Variants in CNTN5 observed in about 807,000 individuals in gnomAD.
CNTN5 encodes contactin-5.
In CNTN5, 77 loss-of-function variants were observed where a neutral mutation model predicts 129.1. That is an observed-to-expected ratio of 0.60 (90% CI 0.50 to 0.72). The LOEUF (loss-of-function observed/expected upper bound fraction) is 0.72. CNTN5 is among the 30% of genes least tolerant of loss of function. The pLI, the probability that CNTN5 is intolerant of heterozygous loss-of-function variation, is 0.00. For synonymous variants in CNTN5, 509 were observed against 465.6 expected (o/e 1.09, Z -1.20); for missense variants, 1,478 against 1,328.8 (o/e 1.11, Z -1.75).
chr11:99,076,363 G>T (rs1172673387), intron 1 of CNTN5, among the ~76,000 whole-genome samples: 2 of 151,796 alleles, frequency 1.3e-5, no homozygotes, highest in African/African-American at 4.8e-5. Context: ...CCAAAAAAAA[G>T]TACTTTACTT....
intron 1 of CNTN5, among the ~76,000 whole-genome samples, chr11:99,227,684 G>A (rs912119794): frequency 2.0e-5 from 3 of 152,110 alleles, no homozygotes; most frequent in Non-Finnish European, 4.4e-5. Flanking sequence ...AATATAAAAT[G>A]TATCGTTTGA....
intron 1 of CNTN5, among the ~76,000 whole-genome samples, chr11:99,192,665 G>T (rs868173640): frequency 6.6e-6 from 1 of 151,904 alleles, no homozygotes; most frequent in Non-Finnish European, 1.5e-5. Flanking sequence ...TACTGAACAT[G>T]CTACAAACAA....
At chr11:99,431,296 G>C (rs1943359228) in intron 2 of CNTN5, among the ~76,000 whole-genome samples, 3 of 151,846 alleles carry the variant, frequency 2.0e-5, no homozygotes, top group African/African-American at 7.3e-5. Context: ...ATAGAAACGG[G>C]GCCCAGACTG....
At chr11:100,307,733 A>C (rs1951385325) in intron 20 of CNTN5, among the ~76,000 whole-genome samples, 1 of 151,658 alleles carries the variant, frequency 6.6e-6, no homozygotes, top group African/African-American at 2.4e-5. Flanking sequence ...TATCTAATGA[A>C]ATTTAGATAC....
chr11:99,943,314 G>A (rs1179850627), intron 7 of CNTN5, among the ~76,000 whole-genome samples: 2 of 151,936 alleles, frequency 1.3e-5, no homozygotes, highest in Non-Finnish European at 2.9e-5. Flanking sequence ...TCATATGTTT[G>A]TTGGCCGCAT....
chr11:99,295,748 C>T (rs916959717), intron 1 of CNTN5, among the ~76,000 whole-genome samples: 10 of 151,610 alleles, frequency 6.6e-5, no homozygotes, highest in South Asian at 6.3e-4. Flanking sequence ...CGGTGGCGGG[C>T]GCCTGTAGTC....
At chr11:100,200,746 A>G (rs1288540098) in intron 15 of CNTN5, among the ~76,000 whole-genome samples, 1 of 151,900 alleles carries the variant, frequency 6.6e-6, no homozygotes, top group Non-Finnish European at 1.5e-5. Context: ...GGATAGAAAA[A>G]AAATTGAAGA....
chr11:100,070,545 A>AC lies in CNTN5; in HGVS notation c.1288dup (p.Leu430ProfsTer6). ...CGTATCGTTGGCTGAAGAATGGAGT[A>AC]CCCCTCTCACCTCAGGTACTGTTGG... On this transcript the variant is annotated frameshift_variant, in exon 11 of 25. Coordinates refer to ENST00000524871, the MANE Select transcript of CNTN5 (RefSeq NM_014361.4). LOFTEE classifies it high-confidence loss of function. 6.2e-7 allele frequency: 1 copy of AC among 1,612,880 alleles called. No individual in the cohort carries two copies. The highest frequency in any genetic ancestry group is 8.5e-7 in the Non-Finnish European group (1 of 1,179,338).
intron 8 of CNTN5, among the ~76,000 whole-genome samples, chr11:99,998,794 GT>G (rs1219258250): frequency 6.0e-5 from 9 of 150,640 alleles, no homozygotes; most frequent in Non-Finnish European, 1.5e-5. Flanking sequence ...CCTGGTACTG[GT>G]ACCAAAACAG....
At chr11:100,031,757 C>T in intron 9 of CNTN5, among the ~76,000 whole-genome samples, 1 of 152,182 alleles carries the variant, frequency 6.6e-6, no homozygotes, top group East Asian at 1.9e-4. Context: ...AAATTCTTAT[C>T]TCTGTATACT....
At chr11:100,108,005 A>G (rs1274669042) in intron 13 of CNTN5, among the ~76,000 whole-genome samples, 1 of 136,706 alleles carries the variant, frequency 7.3e-6, no homozygotes, top group African/African-American at 2.7e-5. Context: ...TTTTTTTTGT[A>G]AAGAAAAGGC....
chr11:100,220,606 C>T (rs984129645), intron 15 of CNTN5, among the ~76,000 whole-genome samples: 5 of 152,194 alleles, frequency 3.3e-5, no homozygotes, highest in Admixed American at 1.3e-4. Context: ...AAAAACCTTC[C>T]TCTTGGCTAA....
Position 99,329,914 on chromosome 11 carries a change from G to GACAC in CNTN5, c.-71+4470_-71+4473dup, listed in dbSNP as rs58544462. Among the ~76,000 whole-genome samples, 733 of 140,352 alleles carry GACAC rather than the reference G, an allele frequency of 5.2e-3. 4 individuals carry two copies. The highest frequency in any genetic ancestry group is 5.5e-3 in the Non-Finnish European group (356 of 65,134). 92.1% of individuals were successfully genotyped at this position (140,352 alleles called of 152,430 possible). On this transcript the variant is annotated intron_variant, in intron 2 of 24. Coordinates refer to ENST00000524871, the MANE Select transcript of CNTN5 (RefSeq NM_014361.4). ...CTATATCTGTACATATACAAGCAGT[G>GACAC]ACACACACACACACACACACACACA...
At chr11:99,335,476 T>C (rs1273033070) in intron 2 of CNTN5, among the ~76,000 whole-genome samples, 2 of 151,616 alleles carry the variant, frequency 1.3e-5, no homozygotes, top group African/African-American at 2.4e-5. Context: ...ACAATGAAAA[T>C]AGTTTAACAG....
At position 99,732,549 on chromosome 11, in the gene CNTN5, A is replaced by G. The variant is rs1430573492; in HGVS notation, c.56-86995A>G. ...ATGGAATGGAAATATTCCATGAGAG[A>G]GGTGAGAATTGAGTGGAATATTGGA... is the stretch of plus-strand genomic sequence containing the variant. On this transcript the variant is annotated intron_variant, in intron 3 of 24. Transcript: ENST00000524871. Among the ~76,000 whole-genome samples, 4 of 152,136 alleles carry G rather than the reference A, an allele frequency of 2.6e-5. No homozygotes were observed. In the East Asian group the frequency reaches 7.7e-4, roughly 29 times the overall value.
chr11:99,987,854 T>C (rs184793024), intron 8 of CNTN5, among the ~76,000 whole-genome samples: 32 of 152,246 alleles, frequency 2.1e-4, no homozygotes, highest in Non-Finnish European at 4.0e-4. Flanking sequence ...TTTAAAATAG[T>C]TTTCTATTAT....
chr11:99,239,648 A>G (rs931433378), intron 1 of CNTN5, among the ~76,000 whole-genome samples: 1 of 152,140 alleles, frequency 6.6e-6, no homozygotes, highest in Non-Finnish European at 1.5e-5. Context: ...TCAAAAAGTC[A>G]CATAAGGCCG....
chr11:99,902,588 GC>G (rs1291072670), intron 6 of CNTN5, among the ~76,000 whole-genome samples: 1 of 152,060 alleles, frequency 6.6e-6, no homozygotes, highest in Non-Finnish European at 1.5e-5. Flanking sequence ...CAAAACAGAA[GC>G]AAAAATCAAA....
chr11:99,926,189 G>T (rs1436286401), intron 7 of CNTN5, among the ~76,000 whole-genome samples: 2 of 151,976 alleles, frequency 1.3e-5, no homozygotes, highest in Non-Finnish European at 2.9e-5. Context: ...TTTGAGAAAG[G>T]GGTTGCCTTA....
Sources: gnomAD v4.1 joint callset for allele counts (sites outside exome capture counted in the v4.1 genomes callset) on GRCh38, gnomAD v4.1.1 for gene constraint, MANE v1.5 for transcripts, NCBI Gene and HGNC (gene_info 2026-07-23, HGNC 2026-07-21) for gene names.